Variants in TMEM45B observed in about 807,000 individuals in gnomAD.
TMEM45B encodes transmembrane protein 45B.
In TMEM45B, 29 loss-of-function variants were observed where a neutral mutation model predicts 27.3. The ratio of observed to expected loss-of-function variants is 1.06; its 90% confidence interval spans 0.79 to 1.45. The LOEUF (loss-of-function observed/expected upper bound fraction) is 1.45, where lower values mean the gene tolerates loss of function less well. TMEM45B is among the 40% of genes most tolerant of loss of function. The pLI, the probability that TMEM45B is intolerant of heterozygous loss-of-function variation, is 0.00. For missense variants in TMEM45B, 348 were observed against 343.9 expected, an observed-to-expected ratio of 1.01 and a Z score of -0.09; for synonymous variants, 143 against 134.7, an observed-to-expected ratio of 1.06 and a Z score of -0.43.
intron 1 of TMEM45B, among the ~76,000 whole-genome samples, chr11:129,849,926 G>C (rs375590909): frequency 6.6e-6 from 1 of 152,046 alleles, no homozygotes. Context: ...GTCATTTTCC[G>C]AAATGACTTT....
intron 1 of TMEM45B, among the ~76,000 whole-genome samples, chr11:129,827,599 T>A (rs1947501027): frequency 6.6e-6 from 1 of 151,764 alleles, no homozygotes; most frequent in Non-Finnish European, 1.5e-5. Context: ...AGGTCGGGAG[T>A]TTGAGACCAG....
At chr11:129,842,895 T>C (rs934780425) in intron 1 of TMEM45B, among the ~76,000 whole-genome samples, 7 of 152,220 alleles carry the variant, frequency 4.6e-5, no homozygotes, top group African/African-American at 1.4e-4. Context: ...GCAAACCATA[T>C]ATGCAATAAG....
At chr11:129,840,757 C>T (rs565358450) in intron 1 of TMEM45B, among the ~76,000 whole-genome samples, 55 of 151,660 alleles carry the variant, frequency 3.6e-4, no homozygotes, top group Non-Finnish European at 6.6e-4. Flanking sequence ...TGGTGGTGCA[C>T]GCCTGTAATC....
chr11:129,833,316 G>A (rs945385853), intron 1 of TMEM45B, among the ~76,000 whole-genome samples: 4 of 151,684 alleles, frequency 2.6e-5, no homozygotes, highest in Non-Finnish European at 2.9e-5. Flanking sequence ...AACATATGGC[G>A]TTATGGGCAG....
chr11:129,854,550 G>T, intron 2 of TMEM45B, 60 bp from the exon 3 acceptor site: 1 of 1,553,952 alleles, frequency 6.4e-7, no homozygotes, highest in Admixed American at 1.8e-5. Flanking sequence ...GTTATTCCTT[G>T]CTCCTATTTG....
chr11:129,846,201 C>T (rs542292056), intron 1 of TMEM45B, among the ~76,000 whole-genome samples: 2 of 152,302 alleles, frequency 1.3e-5, no homozygotes, highest in South Asian at 2.1e-4. Context: ...GGTGCGGTGG[C>T]TCACGCCTGT....
intron 1 of TMEM45B, among the ~76,000 whole-genome samples, chr11:129,830,999 C>T (rs554290850): frequency 6.6e-6 from 1 of 152,294 alleles, no homozygotes; most frequent in Admixed American, 6.5e-5. Flanking sequence ...CCAGTGGATG[C>T]TAAAACCATG....
rs367582550 is a variant in TMEM45B at position 129,854,546 on chromosome 11, C to T, written c.179-64C>T. The T allele has an allele frequency of 1.9e-4, 295 of 1,542,822 alleles. No individual in the cohort carries two copies. The African/African-American group carries it at 3.4e-3, about 18-fold the overall frequency. On this transcript the variant is annotated intron_variant, in intron 2 of 5. Coordinates refer to ENST00000281441, the MANE Select transcript of TMEM45B (RefSeq NM_138788.5). ...GCTTCGCTCATGCCTTTGGGTTATT[C>T]CTTGCTCCTATTTGTCTTAGAGCTA...
chr11:129,834,436 A>G (rs1184684212), intron 1 of TMEM45B, among the ~76,000 whole-genome samples: 2 of 1,886 alleles, frequency 1.1e-3, no homozygotes, highest in South Asian at 0.071. Context: ...GTCTCAAAGG[A>G]AAAAAAAAAA....
At position 129,815,880 on chromosome 11, in the gene TMEM45B, T is replaced by G. The variant is rs976226564; in HGVS notation, c.-27T>G. 35 of 1,304,140 alleles carry G rather than the reference T, an allele frequency of 2.7e-5. No homozygotes were observed. Among genetic ancestry groups the G allele is most frequent in the Non-Finnish European group, 3.1e-5 (32 of 1,034,550 alleles). 80.8% of individuals were successfully genotyped at this position (1,304,140 alleles called of 1,614,324 possible). A position where few individuals can be genotyped will look rare whatever the true frequency, so the allele number is the denominator to read the frequency against. On this transcript the variant is annotated 5_prime_UTR_variant, in exon 1 of 6. Coordinates refer to ENST00000281441, the MANE Select transcript of TMEM45B (RefSeq NM_138788.5). The stretch of plus-strand genomic sequence containing the variant: ...GCGCGCGGCGCGGGCTGCAGACGGC[T>G]GCGAGGCGCTGGGCACAGGTCAGAC...
chr11:129,820,986 G>A (rs566866667), intron 1 of TMEM45B, among the ~76,000 whole-genome samples: 1 of 151,920 alleles, frequency 6.6e-6, no homozygotes, highest in Non-Finnish European at 1.5e-5. Context: ...TGAGGGTTTC[G>A]CTCCTTTACA....
At chr11:129,837,787 T>C (rs1406044525) in intron 1 of TMEM45B, among the ~76,000 whole-genome samples, 1 of 140,134 alleles carries the variant, frequency 7.1e-6, no homozygotes, top group Non-Finnish European at 1.6e-5. Context: ...CTTTTTTTTT[T>C]TTTTTTTTTT....
At chr11:129,820,191 T>C (rs1947401956) in intron 1 of TMEM45B, among the ~76,000 whole-genome samples, 1 of 151,978 alleles carries the variant, frequency 6.6e-6, no homozygotes, top group Non-Finnish European at 1.5e-5. Flanking sequence ...AGCAGGCGCC[T>C]ATAGTCCCAG....
chr11:129,857,300 T>C lies in TMEM45B; in HGVS notation c.571-13T>C. The C allele has an allele frequency of 6.2e-7, 1 of 1,613,568 alleles. No homozygotes were observed. The highest frequency in any genetic ancestry group is 1.3e-5 in the African/African-American group (1 of 75,054). Reference sequence around the variant, plus strand: ...ACCAACCACAAGACCAACTTCTCTCTGTAATCCCCTAGATTGGGTTTGTGC... The same window carrying C: ...ACCAACCACAAGACCAACTTCTCTCCGTAATCCCCTAGATTGGGTTTGTGC... On this transcript the variant is annotated splice_polypyrimidine_tract_variant and intron_variant, in intron 4 of 5. Coordinates refer to ENST00000281441, the MANE Select transcript of TMEM45B (RefSeq NM_138788.5).
At chr11:129,858,123 T>G (rs1017691267) in intron 5 of TMEM45B, among the ~76,000 whole-genome samples, 3 of 152,122 alleles carry the variant, frequency 2.0e-5, no homozygotes, top group Non-Finnish European at 4.4e-5. Context: ...AGTGCAAGGG[T>G]GAATTTTAGC....
intron 1 of TMEM45B, among the ~76,000 whole-genome samples, chr11:129,845,361 G>A (rs1162754654): frequency 6.6e-6 from 1 of 150,566 alleles, no homozygotes; most frequent in Admixed American, 6.6e-5. Context: ...GTGTGTGTGT[G>A]TGTGTGTATG....
intron 1 of TMEM45B, among the ~76,000 whole-genome samples, chr11:129,846,278 G>A (rs3967006): frequency 6.6e-6 from 1 of 152,154 alleles, no homozygotes; most frequent in Non-Finnish European, 1.5e-5. Context: ...GACCAGCCTG[G>A]TCAACATGGT....
At chr11:129,854,054 C>T (rs1947886497) in intron 2 of TMEM45B, among the ~76,000 whole-genome samples, 2 of 152,196 alleles carry the variant, frequency 1.3e-5, no homozygotes, top group South Asian at 4.1e-4. Context: ...GGGAGGGGCG[C>T]AGGGCTTGCA....
At chr11:129,854,492 G>A (rs573391840) in intron 2 of TMEM45B, 118 bp from the exon 3 acceptor site, 5 of 976,840 alleles carry the variant, frequency 5.1e-6, no homozygotes, top group African/African-American at 3.2e-5. Flanking sequence ...CTGCTGACCC[G>A]CGGGCCACCC....
Sources: allele counts gnomAD v4.1 joint callset (sites outside exome capture counted in the v4.1 genomes callset), GRCh38; gene constraint gnomAD v4.1.1; transcripts MANE v1.5; gene names NCBI Gene and HGNC (gene_info 2026-07-23, HGNC 2026-07-21).